Variants in PTK2B observed in about 807,000 individuals in gnomAD.
PTK2B encodes the protein protein-tyrosine kinase 2-beta.
PTK2B carries 71 observed loss-of-function variants against 142.9 expected under a neutral mutation model. That is an observed-to-expected ratio of 0.50 (90% confidence interval 0.41 to 0.61). PTK2B has a LOEUF of 0.61. PTK2B is among the 20% of genes least tolerant of loss of function. The pLI is 0.00. For missense variants in PTK2B, 1,105 were observed against 1,320.4 expected (o/e 0.84, Z 2.53); for synonymous variants, 519 against 503.4 (o/e 1.03, Z -0.42).
At chr8:27,393,358 G>T (rs1332793956) in intron 1 of PTK2B, among the ~76,000 whole-genome samples, 2 of 152,210 alleles carry the variant, frequency 1.3e-5, no homozygotes, top group Non-Finnish European at 2.9e-5. Flanking sequence ...TCAGGCTGAA[G>T]GTAGAGGTAG....
At chr8:27,311,322 G>A, upstream of PTK2B, 1 of 1,406,224 alleles carries the variant, frequency 7.1e-7, no homozygotes, top group Non-Finnish European at 9.4e-7. Flanking sequence ...CCCGAGTGCT[G>A]GGAATCGCCC....
chr8:27,393,140 A>T (rs1025327088), intron 1 of PTK2B, among the ~76,000 whole-genome samples: 3 of 152,210 alleles, frequency 2.0e-5, no homozygotes, highest in Admixed American at 6.5e-5. Flanking sequence ...TGAATCCTTG[A>T]CCAAATGGCT....
chr8:27,337,836 A>G lies in PTK2B; in HGVS notation c.-38+12155A>G, dbSNP rs12682452. Among the ~76,000 whole-genome samples, 4 of 152,016 alleles carry G rather than the reference A, an allele frequency of 2.6e-5. No individual in the cohort carries two copies. In the East Asian group the frequency reaches 7.7e-4, roughly 29 times the overall value. The stretch of plus-strand genomic sequence containing the variant: ...ACTGCTGCTATAAACATTCACATAC[A>G]AGTTTTTTTGTGGACATATGTTTTC... On this transcript the variant is annotated intron_variant, in intron 1 of 30. Transcript: ENST00000346049.
At chr8:27,386,368 C>T (rs1325427924) in intron 1 of PTK2B, among the ~76,000 whole-genome samples, 2 of 152,206 alleles carry the variant, frequency 1.3e-5, no homozygotes, top group Non-Finnish European at 2.9e-5. Flanking sequence ...TTGTATTTAA[C>T]TTCCTTGCTT....
chr8:27,425,558 T>C (rs1810033760), intron 5 of PTK2B, among the ~76,000 whole-genome samples: 1 of 151,854 alleles, frequency 6.6e-6, no homozygotes, highest in African/African-American at 2.4e-5. Flanking sequence ...ACTATCAACA[T>C]TCTCCACCAG....
intron 21 of PTK2B, 144 bp downstream of exon 21, chr8:27,440,585 T>C (rs1811099463): frequency 1.0e-6 from 1 of 972,608 alleles, no homozygotes; most frequent in Admixed American, 2.5e-5. Flanking sequence ...AGGTTCACTG[T>C]CAGATATGAG....
chr8:27,432,687 C>T (rs1396926173), intron 10 of PTK2B, among the ~76,000 whole-genome samples: 1 of 152,148 alleles, frequency 6.6e-6, no homozygotes, highest in Non-Finnish European at 1.5e-5. Flanking sequence ...ATGCGGACAT[C>T]AAGACCTCAA....
At chr8:27,402,036 T>C (rs79098461) in intron 2 of PTK2B, among the ~76,000 whole-genome samples, 3,788 of 152,264 alleles carry the variant, frequency 0.025, 161 homozygotes, top group African/African-American at 0.086. Context: ...CAAACTATTA[T>C]TATTTCCACT....
At chr8:27,356,696 TATATTCACACC>T (rs1805410640) in intron 1 of PTK2B, among the ~76,000 whole-genome samples, 1 of 152,248 alleles carries the variant, frequency 6.6e-6, no homozygotes, top group Non-Finnish European at 1.5e-5. Flanking sequence ...GGGAGACTAG[TATATTCACACC>T]ATGAAATACT....
chr8:27,437,513 T>G lies in PTK2B; in HGVS notation c.1527+17T>G. ...TATGGGGAGGTGAGCTGGAGGACCC[T>G]GCGATGACAACTGGGCTGCAGCATG... On this transcript the variant is annotated intron_variant, in intron 17 of 30. Transcript: ENST00000346049. 1 of 1,573,160 alleles carries G rather than the reference T, an allele frequency of 6.4e-7. No individual in the cohort carries two copies. The highest frequency in any genetic ancestry group is 1.2e-5 in the South Asian group (1 of 86,492).
intron 9 of PTK2B, chr8:27,431,992 C>T (rs955193727): frequency 2.3e-5 from 8 of 342,146 alleles, no homozygotes; most frequent in African/African-American, 5.5e-5. Context: ...TTTTTTTGTG[C>T]GATTTTTTTT....
intron 1 of PTK2B, among the ~76,000 whole-genome samples, chr8:27,368,633 A>G (rs1409677055): frequency 6.6e-6 from 1 of 152,158 alleles, no homozygotes; most frequent in African/African-American, 2.4e-5. Flanking sequence ...AGCTCTTAAC[A>G]CAGACACTTA....
At chr8:27,435,904 C>A in intron 14 of PTK2B, 111 bp downstream of exon 14, 4 of 1,366,078 alleles carry the variant, frequency 2.9e-6, no homozygotes, top group Non-Finnish European at 4.2e-6. Flanking sequence ...ATCCTCCCTT[C>A]GTGCTAGACT....
intron 1 of PTK2B, among the ~76,000 whole-genome samples, chr8:27,394,698 CT>C (rs990342586): frequency 1.5e-4 from 23 of 152,142 alleles, no homozygotes; most frequent in Admixed American, 9.2e-4. Context: ...ACTTTATAAA[CT>C]TTTTTTAAAG....
intron 1 of PTK2B, among the ~76,000 whole-genome samples, chr8:27,325,898 G>A (rs1161535191): frequency 1.3e-5 from 2 of 152,188 alleles, no homozygotes; most frequent in African/African-American, 4.8e-5. Flanking sequence ...TATTTTTGGA[G>A]TAAATTTGAC....
upstream of PTK2B, among the ~76,000 whole-genome samples, chr8:27,321,334 T>G (rs1379448319): frequency 1.3e-5 from 2 of 151,992 alleles, no homozygotes; most frequent in African/African-American, 4.8e-5. Context: ...ATTCCAAGGG[T>G]TTTAGAAGTT....
chr8:27,402,671 C>A (rs1401623162), intron 2 of PTK2B, among the ~76,000 whole-genome samples: 1 of 152,124 alleles, frequency 6.6e-6, no homozygotes, highest in Non-Finnish European at 1.5e-5. Context: ...GCTTCCTGGC[C>A]AAGAGTGAGA....
chr8:27,439,239 A>T (rs1810996675), intron 19 of PTK2B, 70 bp from the exon 20 acceptor site: 25 of 1,566,730 alleles, frequency 1.6e-5, no homozygotes, highest in Non-Finnish European at 2.2e-5. Context: ...GGGTCTTCAG[A>T]AAGTAGGATG....
At chr8:27,331,627 C>T (rs1475031503) in intron 1 of PTK2B, among the ~76,000 whole-genome samples, 6 of 152,122 alleles carry the variant, frequency 3.9e-5, no homozygotes, top group African/African-American at 1.4e-4. Flanking sequence ...GCTGAGATTA[C>T]AGGCACCCAC....
Sources: gnomAD v4.1 joint callset for allele counts (sites outside exome capture counted in the v4.1 genomes callset) on GRCh38, gnomAD v4.1.1 for gene constraint, MANE v1.5 for transcripts, NCBI Gene and HGNC (gene_info 2026-07-23, HGNC 2026-07-21) for gene names.